Variants in SORBS2 observed in about 807,000 individuals in gnomAD.
SORBS2 encodes the protein sorbin and SH3 domain-containing protein 2.
SORBS2 carries 46 observed loss-of-function variants against 97.7 expected under a neutral mutation model. The observed-to-expected ratio is 0.47, with a 90% CI of 0.37 to 0.60. SORBS2 has a LOEUF of 0.60. Among genes scored for constraint, SORBS2 ranks in the 20% least tolerant of loss-of-function variants. The probability of loss-of-function intolerance (pLI) is 0.00; values close to 1 mark genes in which losing one functional copy is unlikely to be tolerated. For synonymous variants in SORBS2, 476 were observed against 473.4 expected (o/e 1.01, Z -0.07); for missense variants, 1,316 against 1,282.3 (o/e 1.03, Z -0.40).
chr4:185,677,246 A>G (rs1190940685), intron 4 of SORBS2: 1 of 1,551,852 alleles, frequency 6.4e-7, no homozygotes, highest in East Asian at 2.4e-5. Context: ...ACTGTGGAGT[A>G]CTAATGGGGC....
chr4:185,924,756 T>G (rs1033703794), intron 1 of SORBS2, among the ~76,000 whole-genome samples: 2 of 152,244 alleles, frequency 1.3e-5, no homozygotes, highest in African/African-American at 4.8e-5. Flanking sequence ...AGCAGCCACT[T>G]TGCTGCCGCA....
intron 1 of SORBS2, among the ~76,000 whole-genome samples, chr4:185,896,178 G>A (rs2149815365): frequency 6.6e-6 from 1 of 152,340 alleles, no homozygotes; most frequent in East Asian, 1.9e-4. Context: ...TGGGAAATAG[G>A]TAGGAAAGAC....
chr4:185,668,262 G>C (rs2097650481), intron 4 of SORBS2, among the ~76,000 whole-genome samples: 1 of 152,222 alleles, frequency 6.6e-6, no homozygotes, highest in Admixed American at 6.5e-5. Context: ...GCATAGCACT[G>C]TGTCTGGGGA....
At chr4:185,600,932 G>A (rs2096247473) in intron 12 of SORBS2, among the ~76,000 whole-genome samples, 2 of 152,016 alleles carry the variant, frequency 1.3e-5, no homozygotes, top group Admixed American at 1.3e-4. Flanking sequence ...TTCAGAGTAA[G>A]ATCTTTCATA....
intron 2 of SORBS2, among the ~76,000 whole-genome samples, chr4:185,724,507 G>T (rs1286118908): frequency 2.0e-5 from 3 of 152,112 alleles, no homozygotes; most frequent in Non-Finnish European, 4.4e-5. Context: ...ACTCCGGTGG[G>T]TGTTCTAACC....
In SORBS2 at chr4:185,623,789, A is replaced by C. The variant is rs2096761654; in HGVS notation, c.1340T>G (p.Leu447Arg). The change falls in exon 7 of 15, where the codon CTA becomes CGA. Residue 447 changes from leucine to arginine, a missense_variant. Coordinates refer to ENST00000418609, the Ensembl canonical transcript of SORBS2. This position sits in a 1 kb window ranked among gnomAD's most constrained non-coding sequence, Gnocchi z 6.4. Reference sequence around the variant, plus strand: ...AATGGAAAACCGCCTCTTGGGACATAGGCCATTTTGCGGTGGTTCTAGGGT... The same window carrying C: ...AATGGAAAACCGCCTCTTGGGACATCGGCCATTTTGCGGTGGTTCTAGGGT... 6.2e-7 allele frequency: 1 copy of C among 1,614,048 alleles called. No homozygotes were observed. The highest frequency in any genetic ancestry group is 1.3e-5 in the African/African-American group (1 of 74,912).
chr4:185,667,645 A>ATC (rs2097636890), intron 4 of SORBS2, among the ~76,000 whole-genome samples: 5 of 148,544 alleles, frequency 3.4e-5, no homozygotes, highest in Non-Finnish European at 7.4e-5. Flanking sequence ...ATCTTACTTA[A>ATC]TATGATTTTT....
In SORBS2 at chr4:185,644,778, A is replaced by G. The variant is rs192892788; in HGVS notation, c.396+1890T>C. On this transcript the variant is annotated intron_variant, in intron 4 of 14. Coordinates refer to ENST00000418609, the Ensembl canonical transcript of SORBS2. The stretch of plus-strand genomic sequence containing the variant: ...GATTGCTATTGCTATTATTATTGCT[A>G]TTGTAAAACGAGGAGTCTTTAAAGT... Among the ~76,000 whole-genome samples the G allele has an allele frequency of 6.1e-3, 930 of 152,326 alleles. 3 individuals carry two copies. Among genetic ancestry groups the G allele is most frequent in the African/African-American group, 0.02 (846 of 41,556 alleles).
intron 4 of SORBS2, among the ~76,000 whole-genome samples, chr4:185,636,690 C>T (rs913936049): frequency 2.0e-5 from 3 of 150,468 alleles, no homozygotes; most frequent in African/African-American, 4.9e-5. Flanking sequence ...ACTCTGTCGC[C>T]CAGGCTGGAG....
At chr4:185,847,232 G>A (rs970357344) in intron 1 of SORBS2, among the ~76,000 whole-genome samples, 1 of 152,094 alleles carries the variant, frequency 6.6e-6, no homozygotes, top group Non-Finnish European at 1.5e-5. Context: ...TCAATTAGTA[G>A]GAAACAATCT....
rs561947829 is a variant in SORBS2 at position 185,777,695 on chromosome 4, G to A, written c.-337-2329C>T. On this transcript the variant is annotated intron_variant, in intron 1 of 20. Coordinates refer to the SORBS2 transcript ENST00000284776. ...TAAAGCTTTGCTCTCCAAATATGGT[G>A]GCTACATGTGGCTACTGAGCTCAAT... is the stretch of plus-strand genomic sequence containing the variant. 1.3e-5 allele frequency among the ~76,000 whole-genome samples: 2 copies of A among 152,210 alleles called. 1 individual carries two copies. The highest frequency in any genetic ancestry group is 4.2e-4 in the South Asian group (2 of 4,814).
At chr4:185,638,094 C>T (rs751191437) in intron 4 of SORBS2, 1 of 1,604,242 alleles carries the variant, frequency 6.2e-7, no homozygotes, top group Non-Finnish European at 8.5e-7. Context: ...GTCCAAACTC[C>T]AGTTCTGAAA....
At chr4:185,600,101 A>G (rs2096224978) in intron 12 of SORBS2, among the ~76,000 whole-genome samples, 1 of 152,240 alleles carries the variant, frequency 6.6e-6, no homozygotes, top group African/African-American at 2.4e-5. Context: ...TTCGTCACAC[A>G]GACTTCAGGA....
chr4:185,926,108 G>A (rs1215513356), intron 1 of SORBS2, among the ~76,000 whole-genome samples: 1 of 152,238 alleles, frequency 6.6e-6, no homozygotes, highest in Non-Finnish European at 1.5e-5. Context: ...CAAGGACTGC[G>A]CTATAACCGC....
intron 1 of SORBS2, among the ~76,000 whole-genome samples, chr4:185,843,038 T>C (rs2099212556): frequency 6.6e-6 from 1 of 151,646 alleles, no homozygotes; most frequent in South Asian, 2.1e-4. Flanking sequence ...AATATGGAAT[T>C]AGGAGTCCGT....
At chr4:185,677,756 C>T in intron 4 of SORBS2, 6 of 608,454 alleles carry the variant, frequency 9.9e-6, no homozygotes, top group South Asian at 4.1e-5. Context: ...AAAGCAATGC[C>T]ACACCTTCTG....
intron 2 of SORBS2, among the ~76,000 whole-genome samples, chr4:185,694,614 C>T (rs2098143456): frequency 6.6e-6 from 1 of 151,972 alleles, no homozygotes; most frequent in Non-Finnish European, 1.5e-5. Context: ...GTTGATTGTT[C>T]ATGGAAGGGC....
chr4:185,691,597 C>G (rs988703330), intron 2 of SORBS2, among the ~76,000 whole-genome samples: 1 of 152,116 alleles, frequency 6.6e-6, no homozygotes, highest in Non-Finnish European at 1.5e-5. Context: ...ATTCATCTTT[C>G]TCTTTTTTAA....
intron 2 of SORBS2, among the ~76,000 whole-genome samples, chr4:185,685,893 A>C (rs948385086): frequency 1.3e-5 from 2 of 152,212 alleles, no homozygotes; most frequent in African/African-American, 4.8e-5. Flanking sequence ...ATGTGAAATA[A>C]AATCAGTGTA....
Sources: gnomAD v4.1 joint callset for allele counts (sites outside exome capture counted in the v4.1 genomes callset) on GRCh38, gnomAD v4.1.1 for gene constraint, Gnocchi (gnomAD v3.1) non-coding constraint, MANE v1.5 for transcripts, NCBI Gene and HGNC (gene_info 2026-07-23, HGNC 2026-07-21) for gene names.